Variants in SLCO1A2 observed in about 807,000 individuals in gnomAD.
SLCO1A2 encodes the protein OATP-1.
In SLCO1A2, 67 loss-of-function variants were observed where a neutral mutation model predicts 69.0. The ratio of observed to expected loss-of-function variants is 0.97; its 90% confidence interval spans 0.80 to 1.19. The LOEUF (loss-of-function observed/expected upper bound fraction) is 1.19. SLCO1A2 is among the 50% of genes most tolerant of loss of function. The pLI is 0.00. For missense variants in SLCO1A2, 787 were observed against 793.7 expected (o/e 0.99, Z 0.10); for synonymous variants, 260 against 265.9 (o/e 0.98, Z 0.22).
intron 12 of SLCO1A2, among the ~76,000 whole-genome samples, chr12:21,280,808 T>C (rs1254736608): frequency 6.6e-6 from 1 of 152,122 alleles, no homozygotes; most frequent in Non-Finnish European, 1.5e-5. Flanking sequence ...ATCCAGCACA[T>C]GGATCATTCT....
intron 1 of SLCO1A2, among the ~76,000 whole-genome samples, chr12:21,392,848 T>C (rs1383755566): frequency 1.3e-5 from 2 of 152,226 alleles, no homozygotes; most frequent in Non-Finnish European, 2.9e-5. Flanking sequence ...TCATTTTCCA[T>C]GTAGACCCTT....
chr12:21,409,334 T>C (rs1266096675), intron 1 of SLCO1A2, among the ~76,000 whole-genome samples: 2 of 152,196 alleles, frequency 1.3e-5, no homozygotes, highest in Non-Finnish European at 2.9e-5. Flanking sequence ...GGATAGATAG[T>C]ATAAAACTAG....
At chr12:21,366,481 G>A (rs571347708) in intron 2 of SLCO1A2, among the ~76,000 whole-genome samples, 26 of 151,922 alleles carry the variant, frequency 1.7e-4, no homozygotes, top group Non-Finnish European at 1.6e-4. Context: ...CCAACATGGC[G>A]CACGTATTCC....
intron 2 of SLCO1A2, among the ~76,000 whole-genome samples, chr12:21,321,733 T>C (rs1023968729): frequency 6.6e-6 from 1 of 152,168 alleles, no homozygotes; most frequent in Non-Finnish European, 1.5e-5. Context: ...GGTCAATATA[T>C]AATTCATTCT....
At chr12:21,398,990 C>G (rs1475126181), upstream of SLCO1A2, among the ~76,000 whole-genome samples, 1 of 150,536 alleles carries the variant, frequency 6.6e-6, no homozygotes, top group Non-Finnish European at 1.5e-5. Context: ...TCTCTCACCA[C>G]TCCTATTCAA....
intron 2 of SLCO1A2, among the ~76,000 whole-genome samples, chr12:21,356,801 G>C (rs1310184064): frequency 6.6e-6 from 1 of 152,028 alleles, no homozygotes; most frequent in Non-Finnish European, 1.5e-5. Context: ...TATAAAGAAG[G>C]ATTTGTAAGA....
intron 2 of SLCO1A2, among the ~76,000 whole-genome samples, chr12:21,329,772 G>A (rs1283030225): frequency 6.6e-6 from 1 of 150,384 alleles, no homozygotes; most frequent in Non-Finnish European, 1.5e-5. Context: ...AAATTCTTTA[G>A]CAAAAGCTAC....
chr12:21,282,519 T>C (rs1436421888), intron 12 of SLCO1A2, among the ~76,000 whole-genome samples: 4 of 152,120 alleles, frequency 2.6e-5, no homozygotes, highest in African/African-American at 4.8e-5. Flanking sequence ...CCTTATTCTG[T>C]AATCTGGGAC....
Position 21,314,621 on chromosome 12 carries a change from A to G in SLCO1A2, c.263T>C (p.Met88Thr), listed in dbSNP as rs1950642266. 1 of 1,613,538 alleles carries G rather than the reference A, an allele frequency of 6.2e-7. No individual in the cohort carries two copies. Among genetic ancestry groups the G allele is most frequent in the South Asian group, 1.1e-5 (1 of 91,084 alleles). ...YFGTKLHRPI[M>T]IGIGCVVMGL... is the part of the protein sequence containing the mutation. ...CATAACCACACATCCAATGCCAATC[A>G]TTATAGGTCTATGCAGTTTGGTTCC... The change falls in exon 4 of 15, where the codon ATG (methionine) becomes ACG (threonine). Residue 88 changes from methionine (M) to threonine (T), a missense_variant. By Grantham distance (81) the Met-to-Thr change is moderately conservative (BLOSUM62 -1). Coordinates refer to ENST00000683939, the MANE Select transcript of SLCO1A2 (RefSeq NM_001386879.1).
At chr12:21,355,825 C>A (rs534127848) in intron 2 of SLCO1A2, among the ~76,000 whole-genome samples, 2 of 151,926 alleles carry the variant, frequency 1.3e-5, no homozygotes, top group Non-Finnish European at 2.9e-5. Context: ...ATAAACCAAC[C>A]ATATATAAAA....
At chr12:21,381,227 C>T (rs760127166) in intron 1 of SLCO1A2, among the ~76,000 whole-genome samples, 3 of 152,034 alleles carry the variant, frequency 2.0e-5, no homozygotes, top group Non-Finnish European at 4.4e-5. Flanking sequence ...AGTAAACAGA[C>T]AACCCACAGA....
chr12:21,350,898 T>C, intron 2 of SLCO1A2, among the ~76,000 whole-genome samples: 1 of 149,182 alleles, frequency 6.7e-6, no homozygotes, highest in East Asian at 2.0e-4. Flanking sequence ...ATTAGATTGA[T>C]TTTTATTTTA....
intron 2 of SLCO1A2, among the ~76,000 whole-genome samples, chr12:21,349,216 G>T (rs1397979931): frequency 6.6e-6 from 1 of 152,066 alleles, no homozygotes; most frequent in Admixed American, 6.6e-5. Context: ...GAGATAATTA[G>T]CTTGAGATAT....
chr12:21,273,669 G>A (rs924774157), intron 14 of SLCO1A2, among the ~76,000 whole-genome samples: 10 of 152,106 alleles, frequency 6.6e-5, no homozygotes, highest in East Asian at 1.9e-4. Flanking sequence ...GAAATCCACC[G>A]CATACATAGC....
At chr12:21,366,028 A>C (rs192734959) in intron 2 of SLCO1A2, among the ~76,000 whole-genome samples, 11 of 152,306 alleles carry the variant, frequency 7.2e-5, no homozygotes, top group African/African-American at 2.4e-4. Flanking sequence ...ATACCATTTG[A>C]CCCAGCCATC....
intron 4 of SLCO1A2, among the ~76,000 whole-genome samples, chr12:21,313,202 A>G (rs1207274657): frequency 1.3e-5 from 2 of 152,260 alleles, no homozygotes; most frequent in African/African-American, 2.4e-5. Flanking sequence ...AGATACAAAA[A>G]TAATGCAAAA....
upstream of SLCO1A2, among the ~76,000 whole-genome samples, chr12:21,398,127 C>A (rs1354641389): frequency 2.1e-5 from 3 of 145,324 alleles, no homozygotes; most frequent in Admixed American, 1.4e-4. Flanking sequence ...AGACCACTAG[C>A]AAGACTAATA....
intron 2 of SLCO1A2, 134 bp downstream of exon 2, chr12:21,334,454 G>A (rs1484927976): frequency 3.2e-6 from 2 of 631,940 alleles, no homozygotes; most frequent in Non-Finnish European, 5.4e-6. Flanking sequence ...TTTAAAGCAA[G>A]AAATTATCAA....
intron 2 of SLCO1A2, among the ~76,000 whole-genome samples, chr12:21,352,340 T>C (rs1043912658): frequency 2.6e-5 from 4 of 152,322 alleles, no homozygotes; most frequent in African/African-American, 9.6e-5. Context: ...GTCTTACAAC[T>C]CCAATGTCAT....
Sources: allele counts gnomAD v4.1 joint callset (sites outside exome capture counted in the v4.1 genomes callset), GRCh38; gene constraint gnomAD v4.1.1; transcripts MANE v1.5; gene names NCBI Gene and HGNC (gene_info 2026-07-23, HGNC 2026-07-21).